Variants in ZBTB20 observed in about 807,000 individuals in gnomAD.
ZBTB20 encodes zinc finger and BTB domain containing 20.
In ZBTB20, 9 loss-of-function variants were observed where a neutral mutation model predicts 56.9. The observed-to-expected ratio is 0.16, with a 90% CI of 0.10 to 0.28. The LOEUF (loss-of-function observed/expected upper bound fraction) is 0.28, where lower values mean the gene tolerates loss of function less well. Ranked by LOEUF, ZBTB20 falls within the 10% of genes least tolerant of loss-of-function variation. The probability of loss-of-function intolerance (pLI) is 1.00; values close to 1 mark genes in which losing one functional copy is unlikely to be tolerated. For synonymous variants in ZBTB20, 417 were observed against 420.7 expected (o/e 0.99, Z 0.11); for missense variants, 655 against 1,003.0 (o/e 0.65, Z 4.69).
At chr3:114,882,422 T>C (rs2076432260) in intron 4 of ZBTB20, among the ~76,000 whole-genome samples, 1 of 152,038 alleles carries the variant, frequency 6.6e-6, no homozygotes, top group Admixed American at 6.5e-5. Flanking sequence ...TATATAAACA[T>C]ATCTAAGAAA....
At chr3:114,461,304 C>CG (rs2092320748) in intron 7 of ZBTB20, among the ~76,000 whole-genome samples, 1 of 151,366 alleles carries the variant, frequency 6.6e-6, no homozygotes, top group Non-Finnish European at 1.5e-5. Flanking sequence ...CCTCCCCCCC[C>CG]CCTCTTTTTT....
chr3:114,769,724 T>C (rs1183004726), intron 5 of ZBTB20, among the ~76,000 whole-genome samples: 1 of 151,792 alleles, frequency 6.6e-6, no homozygotes, highest in Non-Finnish European at 1.5e-5. Flanking sequence ...TATGTTCTCC[T>C]GATATGTGGG....
chr3:114,566,892 T>G (rs2052823276), intron 6 of ZBTB20, among the ~76,000 whole-genome samples: 1 of 152,220 alleles, frequency 6.6e-6, no homozygotes, highest in South Asian at 2.1e-4. Flanking sequence ...TTCAAGCATT[T>G]TAAGCTAATG....
chr3:114,444,719 A>G (rs912130474), intron 7 of ZBTB20, among the ~76,000 whole-genome samples: 1 of 152,066 alleles, frequency 6.6e-6, no homozygotes, highest in Admixed American at 6.6e-5. Flanking sequence ...CAACCCCCTC[A>G]TCAAATTTTT....
intron 7 of ZBTB20, among the ~76,000 whole-genome samples, chr3:114,422,866 G>GTT (rs1203077412): frequency 6.6e-6 from 1 of 152,046 alleles, no homozygotes; most frequent in Non-Finnish European, 1.5e-5. Context: ...AAAAAATGGT[G>GTT]TTATATATAT....
chr3:114,535,679 T>G (rs2048380003), intron 6 of ZBTB20, among the ~76,000 whole-genome samples: 1 of 151,480 alleles, frequency 6.6e-6, no homozygotes, highest in African/African-American at 2.4e-5. Flanking sequence ...CCTGGCAGAG[T>G]CACAACAAAA....
intron 1 of ZBTB20, among the ~76,000 whole-genome samples, chr3:115,128,218 C>A (rs539298432): frequency 6.6e-6 from 1 of 152,248 alleles, no homozygotes; most frequent in Admixed American, 6.5e-5. Flanking sequence ...ATTAATTTCA[C>A]ATTTAATAAA....
intron 10 of ZBTB20, among the ~76,000 whole-genome samples, chr3:114,373,193 C>A (rs556486531): frequency 4.6e-5 from 7 of 152,296 alleles, no homozygotes; most frequent in Admixed American, 2.0e-4. Context: ...GGATTACAGG[C>A]GTGAGCCACT....
At chr3:115,141,484 T>C (rs373384091) in intron 1 of ZBTB20, among the ~76,000 whole-genome samples, 10 of 152,314 alleles carry the variant, frequency 6.6e-5, no homozygotes, top group East Asian at 3.9e-4. Flanking sequence ...CTGTGAGTTT[T>C]TGATTATATG....
At chr3:114,926,452 C>T (rs995685729) in intron 3 of ZBTB20, among the ~76,000 whole-genome samples, 3 of 151,976 alleles carry the variant, frequency 2.0e-5, no homozygotes, top group Non-Finnish European at 4.4e-5. Context: ...TTTCTCCACA[C>T]AAGAAGCAAA....
chr3:114,619,353 G>A (rs954013963), intron 6 of ZBTB20, among the ~76,000 whole-genome samples: 20 of 152,060 alleles, frequency 1.3e-4, no homozygotes, highest in Admixed American at 3.9e-4. Flanking sequence ...ATAAAGAGAC[G>A]AAAAGGAATA....
chr3:115,020,192 C>T (rs2080146633), intron 2 of ZBTB20, among the ~76,000 whole-genome samples: 1 of 150,976 alleles, frequency 6.6e-6, no homozygotes, highest in Non-Finnish European at 1.5e-5. Flanking sequence ...TACCCAGGCT[C>T]TTATGTAATA....
At chr3:114,517,559 C>T (rs916598332) in intron 6 of ZBTB20, among the ~76,000 whole-genome samples, 5 of 151,602 alleles carry the variant, frequency 3.3e-5, no homozygotes, top group South Asian at 2.1e-4. Context: ...TTAGTCAGTT[C>T]GTCAGTCAAT....
chr3:114,822,045 T>C (rs932203845), intron 4 of ZBTB20, among the ~76,000 whole-genome samples: 1 of 152,082 alleles, frequency 6.6e-6, no homozygotes, highest in South Asian at 2.1e-4. Context: ...GAAAAAAATC[T>C]CAGAAATATG....
chr3:114,811,841 C>T lies in ZBTB20; in HGVS notation c.-416-10667G>A, dbSNP rs1351937426. On this transcript the variant is annotated intron_variant, in intron 4 of 11. Coordinates refer to ENST00000675478, the MANE Select transcript of ZBTB20 (RefSeq NM_001348800.3). The stretch of plus-strand genomic sequence containing the variant: ...GATGGAGAATGTGATGGAACTCCGT[C>T]ACCTTGTTGTATAAGTGTGTCCGGA... Among the ~76,000 whole-genome samples the T allele has an allele frequency of 2.4e-5, 3 of 124,376 alleles. No individual in the cohort carries two copies. In the Admixed American group the frequency reaches 2.5e-4, roughly 10 times the overall value. The allele number at this position is 124,376 out of a possible 152,430, so 81.6% of individuals were successfully genotyped here.
At chr3:114,596,407 G>A (rs534416840) in intron 6 of ZBTB20, among the ~76,000 whole-genome samples, 4 of 152,186 alleles carry the variant, frequency 2.6e-5, no homozygotes, top group South Asian at 4.2e-4. Flanking sequence ...TACGTAATGG[G>A]AAACATGACA....
intron 3 of ZBTB20, among the ~76,000 whole-genome samples, chr3:114,920,748 T>C (rs935174409): frequency 6.6e-6 from 1 of 151,862 alleles, no homozygotes. Flanking sequence ...TATTAAAAAT[T>C]AGACCAGAAA....
intron 6 of ZBTB20, among the ~76,000 whole-genome samples, chr3:114,595,572 G>A: frequency 6.6e-6 from 1 of 152,132 alleles, no homozygotes; most frequent in East Asian, 1.9e-4. Context: ...ATGAGTCCAG[G>A]GAAGAGGCCA....
chr3:114,526,382 C>A (rs990617531), intron 6 of ZBTB20, among the ~76,000 whole-genome samples: 2 of 152,146 alleles, frequency 1.3e-5, no homozygotes. Flanking sequence ...GTATCATTCA[C>A]CCATCTGCTT....
Sources: allele counts gnomAD v4.1 joint callset (sites outside exome capture counted in the v4.1 genomes callset), GRCh38; gene constraint gnomAD v4.1.1; transcripts MANE v1.5; gene names NCBI Gene and HGNC (gene_info 2026-07-23, HGNC 2026-07-21).